The following PLCB1 variants were observed in gnomAD, a reference collection of about 807,000 sequenced individuals.
PLCB1 encodes the protein phospholipase C beta 1, also known as 1-phosphatidylinositol 4,5-bisphosphate phosphodiesterase beta-1.
Under a neutral mutation model 161.8 loss-of-function variants are expected in PLCB1, and 46 were observed. That is an observed-to-expected ratio of 0.28 (90% confidence interval 0.22 to 0.36). PLCB1 has a LOEUF of 0.36. Ranked by LOEUF, PLCB1 falls within the 10% of genes least tolerant of loss-of-function variation. The pLI is 1.00. For synonymous variants in PLCB1, 517 were observed against 503.7 expected (o/e 1.03, Z -0.35); for missense variants, 1,016 against 1,472.5 (o/e 0.69, Z 5.07).
chr20:8,294,105 G>T (rs954346061), intron 2 of PLCB1, among the ~76,000 whole-genome samples: 2 of 152,112 alleles, frequency 1.3e-5, no homozygotes, highest in Non-Finnish European at 2.9e-5. Flanking sequence ...TAGTGAAATT[G>T]TAAGCTTCTT....
At chr20:8,401,492 C>T (rs1033696301) in intron 3 of PLCB1, among the ~76,000 whole-genome samples, 6 of 152,108 alleles carry the variant, frequency 3.9e-5, no homozygotes, top group Admixed American at 2.0e-4. Context: ...CTATCTGGAC[C>T]TTATTTTATG....
chr20:8,244,736 T>C (rs1444901483), intron 2 of PLCB1, among the ~76,000 whole-genome samples: 1 of 151,844 alleles, frequency 6.6e-6, no homozygotes, highest in East Asian at 1.9e-4. Context: ...AAGTATGAAA[T>C]ATATGTTTTA....
intron 3 of PLCB1, among the ~76,000 whole-genome samples, chr20:8,569,570 C>T (rs560023009): frequency 3.3e-5 from 5 of 151,802 alleles, no homozygotes; most frequent in South Asian, 2.1e-4. Context: ...ATGAAAGAAA[C>T]GAAATAAAAC....
At chr20:8,372,145 G>A (rs935954446) in intron 3 of PLCB1, 6 of 152,128 alleles carry the variant, frequency 3.9e-5, no homozygotes, top group African/African-American at 1.4e-4. Context: ...TTAAAATTTA[G>A]TACTTTACAT....
chr20:8,457,705 T>C (rs922300685), intron 3 of PLCB1, among the ~76,000 whole-genome samples: 3 of 86,714 alleles, frequency 3.5e-5, no homozygotes, highest in African/African-American at 1.8e-4. Flanking sequence ...ATACCCCTAA[T>C]GTGTGCGCGC....
intron 3 of PLCB1, among the ~76,000 whole-genome samples, chr20:8,433,868 G>T (rs1463301706): frequency 6.6e-6 from 1 of 152,056 alleles, no homozygotes; most frequent in East Asian, 1.9e-4. Flanking sequence ...ATGACATCTA[G>T]AAGAGTCATG....
chr20:8,156,081 C>G (rs1349587077), intron 2 of PLCB1, among the ~76,000 whole-genome samples: 1 of 152,192 alleles, frequency 6.6e-6, no homozygotes, highest in Non-Finnish European at 1.5e-5. Context: ...CCTCACCACT[C>G]CTGAGAACAT....
intron 1 of PLCB1, among the ~76,000 whole-genome samples, chr20:8,144,107 G>T (rs2051430316): frequency 6.6e-6 from 1 of 152,040 alleles, no homozygotes; most frequent in African/African-American, 2.4e-5. Context: ...AAAAGTATCC[G>T]GCCAGTTCAC....
intron 3 of PLCB1, among the ~76,000 whole-genome samples, chr20:8,388,920 G>A (rs1479358063): frequency 2.0e-5 from 3 of 152,134 alleles, no homozygotes; most frequent in Non-Finnish European, 4.4e-5. Flanking sequence ...AGATTTGGTA[G>A]CAGAAATATC....
intron 31 of PLCB1, among the ~76,000 whole-genome samples, chr20:8,838,399 G>C (rs1350708839): frequency 6.6e-6 from 1 of 152,180 alleles, no homozygotes; most frequent in East Asian, 1.9e-4. Context: ...GGTCCACCAG[G>C]CAGAGTAGGG....
chr20:8,247,618 G>GCA (rs555420003), intron 2 of PLCB1, among the ~76,000 whole-genome samples: 165 of 150,074 alleles, frequency 1.1e-3, no homozygotes, highest in African/African-American at 3.8e-3. Context: ...ATTTAATACA[G>GCA]CACACACACA....
At chr20:8,503,580 CA>C (rs947015237) in intron 3 of PLCB1, among the ~76,000 whole-genome samples, 20 of 152,188 alleles carry the variant, frequency 1.3e-4, no homozygotes, top group Admixed American at 1.2e-3. Context: ...CCTATACAGT[CA>C]TATGTACAAT....
chr20:8,720,450 A>G (rs1979562789), intron 14 of PLCB1, among the ~76,000 whole-genome samples: 1 of 152,214 alleles, frequency 6.6e-6, no homozygotes, highest in Admixed American at 6.5e-5. Context: ...TTTGGTTCGT[A>G]GATGTTCACA....
chr20:8,196,277 AT>A (rs1484328094), intron 2 of PLCB1, among the ~76,000 whole-genome samples: 1 of 152,112 alleles, frequency 6.6e-6, no homozygotes, highest in Non-Finnish European at 1.5e-5. Context: ...AGAAAATGAT[AT>A]TTTGAAATAC....
chr20:8,404,625 C>A (rs1168692013), intron 3 of PLCB1, among the ~76,000 whole-genome samples: 2 of 152,082 alleles, frequency 1.3e-5, no homozygotes, highest in Non-Finnish European at 2.9e-5. Context: ...TTCATTGTCT[C>A]AAAATGATAT....
intron 3 of PLCB1, among the ~76,000 whole-genome samples, chr20:8,499,286 A>G (rs1004013430): frequency 6.6e-6 from 1 of 152,190 alleles, no homozygotes; most frequent in Non-Finnish European, 1.5e-5. Context: ...TTTTCTTCAC[A>G]TTCCCTAATT....
At chr20:8,707,914 G>A (rs558514729) in intron 11 of PLCB1, among the ~76,000 whole-genome samples, 3 of 152,108 alleles carry the variant, frequency 2.0e-5, no homozygotes, top group Admixed American at 6.6e-5. Context: ...AAAGGTGGTC[G>A]GCACAAACAA....
At chr20:8,723,437 T>C (rs1038483999) in intron 15 of PLCB1, among the ~76,000 whole-genome samples, 1 of 152,176 alleles carries the variant, frequency 6.6e-6, no homozygotes, top group African/African-American at 2.4e-5. Flanking sequence ...CCATGCATTC[T>C]CTCTTCTAAA....
chr20:8,194,727 A>C (rs1192336169), intron 2 of PLCB1, among the ~76,000 whole-genome samples: 1 of 152,080 alleles, frequency 6.6e-6, no homozygotes, highest in Non-Finnish European at 1.5e-5. Context: ...GACTATAATA[A>C]ATAAACTGTA....
Sources: gnomAD v4.1 joint callset for allele counts (sites outside exome capture counted in the v4.1 genomes callset) on GRCh38, gnomAD v4.1.1 for gene constraint, MANE v1.5 for transcripts, NCBI Gene and HGNC (gene_info 2026-07-23, HGNC 2026-07-21) for gene names.